MAGI1: variants seen among roughly 807,000 people sequenced by gnomAD.
MAGI1 encodes membrane associated guanylate kinase, WW and PDZ domain containing 1.
In MAGI1, 58 loss-of-function variants were observed where a neutral mutation model predicts 139.9. That is an observed-to-expected ratio of 0.41 (90% CI 0.34 to 0.52). The LOEUF (loss-of-function observed/expected upper bound fraction) is 0.52, where lower values mean the gene tolerates loss of function less well. Among genes scored for constraint, MAGI1 ranks in the 20% least tolerant of loss-of-function variants. The pLI, the probability that MAGI1 is intolerant of heterozygous loss-of-function variation, is 0.12. For synonymous variants in MAGI1, 812 were observed against 737.9 expected, an observed-to-expected ratio of 1.10 and a Z score of -1.63; for missense variants, 1,874 against 1,901.6, an observed-to-expected ratio of 0.99 and a Z score of 0.27.
rs187274679 is a variant in MAGI1, at chr3:65,560,103, C to T, written c.430+61869G>A. Among the ~76,000 whole-genome samples, 535 of 152,226 alleles carry T rather than the reference C, an allele frequency of 3.5e-3. 4 individuals carry two copies. The highest frequency in any genetic ancestry group is 0.012 in the African/African-American group (515 of 41,538). On this transcript the variant is annotated intron_variant, in intron 2 of 22. Transcript: ENST00000402939. ...GTCTGTTTAGCAAAATACAAAACTCCATATATATAGGATAAAATATTTAAT... is the reference window on the plus strand; with the variant it reads ...GTCTGTTTAGCAAAATACAAAACTCTATATATATAGGATAAAATATTTAAT...
intron 1 of MAGI1, among the ~76,000 whole-genome samples, chr3:65,739,360 T>G (rs2035061287): frequency 6.6e-6 from 1 of 152,216 alleles, no homozygotes; most frequent in South Asian, 2.1e-4. Context: ...AAGGAAATGT[T>G]GTACCTGGTT....
At chr3:65,701,543 G>A (rs1270168498) in intron 1 of MAGI1, among the ~76,000 whole-genome samples, 4 of 151,792 alleles carry the variant, frequency 2.6e-5, no homozygotes, top group Admixed American at 6.6e-5. Context: ...GTGAGTCACC[G>A]CGCCCAGTCC....
intron 1 of MAGI1, among the ~76,000 whole-genome samples, chr3:65,898,237 C>T (rs1162707197): frequency 1.3e-5 from 2 of 152,156 alleles, no homozygotes; most frequent in Non-Finnish European, 2.9e-5. Context: ...AAAATCCTAC[C>T]TTTCTGTGGC....
intron 2 of MAGI1, among the ~76,000 whole-genome samples, chr3:65,566,606 G>A (rs982198789): frequency 1.3e-5 from 2 of 151,772 alleles, no homozygotes; most frequent in African/African-American, 2.4e-5. Flanking sequence ...TCCCAAGTCC[G>A]TGTTACTGGG....
intron 2 of MAGI1, among the ~76,000 whole-genome samples, chr3:65,509,524 G>A (rs370498119): frequency 5.3e-5 from 8 of 152,264 alleles, no homozygotes; most frequent in South Asian, 2.1e-4. Context: ...TTCCCTTTCC[G>A]ACTCAAAGAA....
Position 65,960,969 on chromosome 3 carries a change from A to G in MAGI1, c.313+77027T>C, listed in dbSNP as rs149458583. Among the ~76,000 whole-genome samples, 408 of 152,344 alleles carry G rather than the reference A, an allele frequency of 2.7e-3. 1 individual carries two copies. The highest frequency in any genetic ancestry group is 7.1e-3 in the Admixed American group (108 of 15,304). On this transcript the variant is annotated intron_variant, in intron 1 of 22. Transcript: ENST00000402939. Reference sequence around the variant, plus strand: ...AGCTATAAGTTCATCTGTCTTTTCTATGCTATAGGCAGTACAGAGCATGGG... The same window carrying G: ...AGCTATAAGTTCATCTGTCTTTTCTGTGCTATAGGCAGTACAGAGCATGGG...
intron 1 of MAGI1, among the ~76,000 whole-genome samples, chr3:65,998,795 T>A (rs2066591570): frequency 6.6e-6 from 1 of 152,170 alleles, no homozygotes; most frequent in African/African-American, 2.4e-5. Context: ...TTTCATCTAA[T>A]GCAAAAAGCC....
intron 2 of MAGI1, among the ~76,000 whole-genome samples, chr3:65,588,216 TAG>T (rs1200955205): frequency 1.3e-5 from 2 of 152,168 alleles, no homozygotes; most frequent in African/African-American, 4.8e-5. Context: ...TCCAAGAATA[TAG>T]ATAGCCTTCC....
chr3:65,897,306 G>A (rs1434648484), intron 1 of MAGI1, among the ~76,000 whole-genome samples: 1 of 152,106 alleles, frequency 6.6e-6, no homozygotes, highest in Non-Finnish European at 1.5e-5. Flanking sequence ...GGCCAAGGCA[G>A]GAGGATAGCT....
intron 2 of MAGI1, among the ~76,000 whole-genome samples, chr3:65,596,082 G>T (rs947921439): frequency 6.6e-6 from 1 of 152,124 alleles, no homozygotes; most frequent in African/African-American, 2.4e-5. Flanking sequence ...ATCACGAAAA[G>T]AATCCAACTT....
intron 1 of MAGI1, chr3:65,844,115 T>A (rs2058901666): frequency 1.9e-6 from 1 of 517,080 alleles, no homozygotes; most frequent in Non-Finnish European, 3.8e-6. Context: ...GGCCAAACAG[T>A]GGGGCTGGAC....
At chr3:65,767,571 T>C (rs1310236563) in intron 1 of MAGI1, among the ~76,000 whole-genome samples, 4 of 152,238 alleles carry the variant, frequency 2.6e-5, no homozygotes, top group Non-Finnish European at 5.9e-5. Flanking sequence ...AAGACATTCA[T>C]CCTTCCCTCA....
At chr3:65,679,382 C>T (rs1480736736) in intron 1 of MAGI1, among the ~76,000 whole-genome samples, 2 of 152,102 alleles carry the variant, frequency 1.3e-5, no homozygotes, top group African/African-American at 4.8e-5. Flanking sequence ...ACTTCCTTAA[C>T]TGCATTCCTA....
intron 1 of MAGI1, chr3:65,717,653 C>T (rs1395689651): frequency 6.6e-6 from 1 of 152,136 alleles, no homozygotes; most frequent in Non-Finnish European, 1.5e-5. Flanking sequence ...GAGATGAAAA[C>T]ATCTTGCAAT....
At chr3:65,846,398 G>C (rs1197006232) in intron 1 of MAGI1, among the ~76,000 whole-genome samples, 1 of 152,202 alleles carries the variant, frequency 6.6e-6, no homozygotes, top group Admixed American at 6.5e-5. Flanking sequence ...TGAGACAATG[G>C]ATGCAGGTTT....
chr3:65,453,750 GGCT>G (rs1314826959), intron 5 of MAGI1, among the ~76,000 whole-genome samples: 1 of 151,630 alleles, frequency 6.6e-6, no homozygotes, highest in East Asian at 1.9e-4. Context: ...TCACAAAGAG[GGCT>G]GCTATTTCAT....
intron 1 of MAGI1, among the ~76,000 whole-genome samples, chr3:65,826,973 A>C (rs533819066): frequency 6.6e-6 from 1 of 150,456 alleles, no homozygotes; most frequent in East Asian, 2.0e-4. Flanking sequence ...ACCTGCTCTA[A>C]TATGAATTTG....
chr3:65,432,249 C>T (rs868223465), intron 10 of MAGI1, among the ~76,000 whole-genome samples: 12 of 152,108 alleles, frequency 7.9e-5, no homozygotes, highest in Non-Finnish European at 1.5e-4. Flanking sequence ...ACTTTACTTA[C>T]TTCTTATACC....
At chr3:65,645,745 G>C (rs2085223884) in intron 1 of MAGI1, among the ~76,000 whole-genome samples, 2 of 152,026 alleles carry the variant, frequency 1.3e-5, no homozygotes, top group South Asian at 4.1e-4. Flanking sequence ...TTATAAACCA[G>C]GATGTAAAGA....
Sources: allele counts gnomAD v4.1 joint callset (sites outside exome capture counted in the v4.1 genomes callset), GRCh38; gene constraint gnomAD v4.1.1; transcripts MANE v1.5; gene names NCBI Gene and HGNC (gene_info 2026-07-23, HGNC 2026-07-21).